Variants in OPCML observed in about 807,000 individuals in gnomAD.
The protein encoded by OPCML is opioid binding protein/cell adhesion molecule like, also known as opioid-binding protein/cell adhesion molecule.
A neutral mutation model predicts 37.8 loss-of-function variants in OPCML; 13 were observed. That is an observed-to-expected ratio of 0.34 (90% confidence interval 0.22 to 0.55). The LOEUF is 0.55. Ranked by LOEUF, OPCML falls within the 20% of genes least tolerant of loss-of-function variation. The pLI, the probability that OPCML is intolerant of heterozygous loss-of-function variation, is 0.91. For synonymous variants in OPCML, 176 were observed against 168.8 expected, an observed-to-expected ratio of 1.04 and a Z score of -0.33; for missense variants, 341 against 435.6, an observed-to-expected ratio of 0.78 and a Z score of 1.93.
chr11:132,782,372 G>A (rs1021726967), intron 2 of OPCML, among the ~76,000 whole-genome samples: 1 of 152,186 alleles, frequency 6.6e-6, no homozygotes, highest in Non-Finnish European at 1.5e-5. Flanking sequence ...TTAGGCTAAT[G>A]AGGGCCAACT....
At chr11:132,769,651 C>T (rs1437651421) in intron 2 of OPCML, among the ~76,000 whole-genome samples, 6 of 152,168 alleles carry the variant, frequency 3.9e-5, no homozygotes, top group Admixed American at 3.9e-4. Context: ...GAATGTAAAT[C>T]CTCAGCATGT....
At chr11:133,224,528 C>G (rs1166887172) in intron 1 of OPCML, among the ~76,000 whole-genome samples, 1 of 152,170 alleles carries the variant, frequency 6.6e-6, no homozygotes, top group Non-Finnish European at 1.5e-5. Context: ...ACTGAGCCTG[C>G]AAAAAGCTGC....
intron 7 of OPCML, among the ~76,000 whole-genome samples, chr11:132,427,756 A>G (rs558380037): frequency 1.3e-5 from 2 of 152,356 alleles, no homozygotes; most frequent in South Asian, 2.1e-4. Flanking sequence ...TGAACGCTCA[A>G]TGTTAAATTC....
At position 132,419,550 on chromosome 11, in the gene OPCML, A is replaced by T. The variant is rs1039976870; in HGVS notation, c.*643T>A. 2 of 152,192 alleles carry T rather than the reference A, an allele frequency of 1.3e-5. No homozygotes were observed. Among genetic ancestry groups the T allele is most frequent in the African/African-American group, 4.8e-5 (2 of 41,442 alleles). 9.4% of individuals were successfully genotyped at this position (152,192 alleles called of 1,614,324 possible). A position where few individuals can be genotyped will look rare whatever the true frequency, so the allele number is the denominator to read the frequency against. On this transcript the variant is annotated 3_prime_UTR_variant, in exon 8 of 8. Transcript: ENST00000524381. ...GGTTTCATGCATAGCCCCAAACTTC[A>T]AATCTCTGCAGATGGTGGAAGGAAT...
chr11:132,619,672 A>T (rs1939274235), intron 3 of OPCML, among the ~76,000 whole-genome samples: 1 of 123,514 alleles, frequency 8.1e-6, no homozygotes, highest in Non-Finnish European at 1.7e-5. Flanking sequence ...CCCCGTCTCT[A>T]CTGAAAATAC....
intron 1 of OPCML, among the ~76,000 whole-genome samples, chr11:132,964,739 G>A (rs1229989397): frequency 2.6e-5 from 4 of 152,140 alleles, no homozygotes; most frequent in Non-Finnish European, 5.9e-5. Flanking sequence ...GCAGGCACAT[G>A]TGGATGACAC....
intron 2 of OPCML, among the ~76,000 whole-genome samples, chr11:132,756,708 T>C (rs1946060578): frequency 6.6e-6 from 1 of 152,226 alleles, no homozygotes; most frequent in African/African-American, 2.4e-5. Flanking sequence ...GTAACTTCTA[T>C]GTTAATTAAC....
At chr11:132,469,470 C>T (rs960938938) in intron 4 of OPCML, among the ~76,000 whole-genome samples, 2 of 140,432 alleles carry the variant, frequency 1.4e-5, no homozygotes, top group Non-Finnish European at 3.1e-5. Flanking sequence ...GCCTGTGTGC[C>T]TGTGTGTGTG....
At chr11:133,116,830 T>A (rs1439996011) in intron 1 of OPCML, among the ~76,000 whole-genome samples, 2 of 128,286 alleles carry the variant, frequency 1.6e-5, no homozygotes, top group Non-Finnish European at 3.4e-5. Flanking sequence ...ATGTATCTTG[T>A]TCCTCCTCAG....
At chr11:133,235,881 G>A (rs1940492018) in intron 1 of OPCML, among the ~76,000 whole-genome samples, 1 of 152,122 alleles carries the variant, frequency 6.6e-6, no homozygotes, top group Admixed American at 6.5e-5. Flanking sequence ...GAAATGGGAG[G>A]GTTGGACAAG....
intron 2 of OPCML, among the ~76,000 whole-genome samples, chr11:132,898,683 C>A (rs754227070): frequency 1.1e-4 from 16 of 152,154 alleles, no homozygotes; most frequent in Non-Finnish European, 1.9e-4. Flanking sequence ...GGGAGTGTCA[C>A]CACTCACCAA....
chr11:132,965,522 TTTG>T (rs770944792), intron 1 of OPCML, among the ~76,000 whole-genome samples: 1 of 152,060 alleles, frequency 6.6e-6, no homozygotes, highest in Non-Finnish European at 1.5e-5. Context: ...GTTGTTGTTG[TTTG>T]TTGTTTTTTG....
chr11:132,470,946 G>A (rs1227518557), intron 4 of OPCML, among the ~76,000 whole-genome samples: 1 of 152,100 alleles, frequency 6.6e-6, no homozygotes, highest in African/African-American at 2.4e-5. Context: ...CAACACTTAG[G>A]AATTAAGAAG....
At chr11:133,245,872 A>G (rs1336319341) in intron 1 of OPCML, among the ~76,000 whole-genome samples, 1 of 152,192 alleles carries the variant, frequency 6.6e-6, no homozygotes, top group African/African-American at 2.4e-5. Flanking sequence ...CAGGAACAGA[A>G]AACCAAACAC....
chr11:133,371,436 T>C (rs1318008468), intron 1 of OPCML, among the ~76,000 whole-genome samples: 1 of 152,188 alleles, frequency 6.6e-6, no homozygotes, highest in Non-Finnish European at 1.5e-5. Flanking sequence ...TCAAATCTCA[T>C]CTTGAATTGT....
chr11:133,307,056 C>T (rs978628707), intron 1 of OPCML, among the ~76,000 whole-genome samples: 8 of 152,102 alleles, frequency 5.3e-5, no homozygotes, highest in South Asian at 2.1e-4. Context: ...TGAGGCTGGA[C>T]GGTCATGGTC....
At chr11:133,049,183 G>T (rs1948081618) in intron 1 of OPCML, among the ~76,000 whole-genome samples, 1 of 152,166 alleles carries the variant, frequency 6.6e-6, no homozygotes, top group Admixed American at 6.6e-5. Context: ...GTGATTTTCA[G>T]ATTTCCAAGA....
intron 1 of OPCML, among the ~76,000 whole-genome samples, chr11:133,433,369 T>A (rs1397535829): frequency 6.6e-6 from 1 of 152,234 alleles, no homozygotes; most frequent in Non-Finnish European, 1.5e-5. Flanking sequence ...TTTTATATTC[T>A]GCTTTTGAAA....
chr11:133,361,223 T>C (rs1944406764), intron 1 of OPCML: 1 of 152,302 alleles, frequency 6.6e-6, no homozygotes, highest in Non-Finnish European at 1.5e-5. Flanking sequence ...AATTTCCAGA[T>C]GCTGCCTGAG....
Sources: allele counts gnomAD v4.1 joint callset (sites outside exome capture counted in the v4.1 genomes callset), GRCh38; gene constraint gnomAD v4.1.1; transcripts MANE v1.5; gene names NCBI Gene and HGNC (gene_info 2026-07-23, HGNC 2026-07-21).